The following ANXA7 variants were observed in gnomAD, a reference collection of about 807,000 sequenced individuals.
The protein encoded by ANXA7 is annexin VII.
Under a neutral mutation model 64.9 loss-of-function variants are expected in ANXA7, and 55 were observed. That is an observed-to-expected ratio of 0.85 (90% confidence interval 0.68 to 1.06). The LOEUF is 1.06. ANXA7 is among the 50% of genes least tolerant of loss of function. ANXA7 has a pLI of 0.00. For missense variants in ANXA7, 548 were observed against 582.1 expected, an observed-to-expected ratio of 0.94 and a Z score of 0.60; for synonymous variants, 200 against 192.4, an observed-to-expected ratio of 1.04 and a Z score of -0.33.
intron 9 of ANXA7, 75 bp from the exon 10 acceptor site, chr10:73,380,276 A>G: frequency 7.0e-7 from 1 of 1,426,200 alleles, no homozygotes; most frequent in Non-Finnish European, 9.6e-7. Context: ...AATCTAGTTC[A>G]CTTTTGGATT....
At chr10:73,390,526 T>G (rs1427129079) in intron 5 of ANXA7, among the ~76,000 whole-genome samples, 1 of 151,888 alleles carries the variant, frequency 6.6e-6, no homozygotes, top group African/African-American at 2.4e-5. Flanking sequence ...ATAAAAAAAT[T>G]TTATAAGCCT....
intron 12 of ANXA7, among the ~76,000 whole-genome samples, chr10:73,377,826 CGTGT>C (rs58404250): frequency 4.2e-4 from 51 of 122,576 alleles, no homozygotes; most frequent in African/African-American, 7.8e-4. Context: ...TAGGTTTCAC[CGTGT>C]GTGTGTGTGT....
Position 73,383,329 on chromosome 10 carries a change from T to A in ANXA7, c.764A>T (p.Glu255Val). 6.2e-7 allele frequency: 1 copy of A among 1,613,240 alleles called. No homozygotes were observed. Among genetic ancestry groups the A allele is most frequent in the Non-Finnish European group, 8.5e-7 (1 of 1,179,432 alleles). The change falls in exon 9 of 13, where the codon GAA becomes GTA. Residue 255 changes from glutamate (E) to valine (V), a missense_variant. Glu to Val is a moderately radical substitution (Grantham distance 121). Transcript: ENST00000372921. ...GCACAAAATCTCAATCAATACACGT[T>A]CCTGAGTTCCTGCTCCCTACATGAA... ...RKAMQGAGTQ[E>V]RVLIEILCTR...
At chr10:73,399,978 C>T (rs1345027309) in intron 2 of ANXA7, among the ~76,000 whole-genome samples, 1 of 151,902 alleles carries the variant, frequency 6.6e-6, no homozygotes, top group Non-Finnish European at 1.5e-5. Context: ...TCCGTCTCTA[C>T]TAAAAATACA....
chr10:73,377,898 C>T lies in ANXA7; in HGVS notation c.1278+1013G>A, dbSNP rs547640048. Among the ~76,000 whole-genome samples, 248 of 134,854 alleles carry T rather than the reference C, an allele frequency of 1.8e-3. 3 individuals are homozygous for T. Among genetic ancestry groups the T allele is most frequent in the African/African-American group, 7.5e-3 (233 of 31,022 alleles). The allele number at this position is 134,854 out of a possible 152,430, so 88.5% of individuals were successfully genotyped here. ...TCACCATGTTGCCCAGGCTACCACG[C>T]CCCGGCGTGTGTGTGTGTGTGTGTG... On this transcript the variant is annotated intron_variant, in intron 12 of 12. Coordinates refer to ENST00000372921, the MANE Select transcript of ANXA7 (RefSeq NM_001156.5).
At chr10:73,387,452 C>T (rs1037277295) in intron 7 of ANXA7, among the ~76,000 whole-genome samples, 5 of 152,078 alleles carry the variant, frequency 3.3e-5, no homozygotes, top group Non-Finnish European at 7.4e-5. Flanking sequence ...GAAGCAAAGA[C>T]GGCAGTGAGC....
chr10:73,378,821 T>C (rs1024599403), intron 12 of ANXA7, 90 bp downstream of exon 12: 34 of 912,340 alleles, frequency 3.7e-5, no homozygotes, highest in Non-Finnish European at 1.1e-5. Flanking sequence ...CTTATCATTT[T>C]TGAGGGACTG....
Position 73,388,294 on chromosome 10 carries a change from A to C in ANXA7, c.538+18T>G. 1 of 1,590,976 alleles carries C rather than the reference A, an allele frequency of 6.3e-7. No homozygotes were observed. The highest frequency in any genetic ancestry group is 2.2e-5 in the East Asian group (1 of 44,728). ...TTACTTTAACTTATTAAAAAAGACA[A>C]AAATTTGTTTTCCTTACCAAAACCC... is the stretch of plus-strand genomic sequence containing the variant. On this transcript the variant is annotated intron_variant, in intron 6 of 12. Transcript: ENST00000372921.
Position 73,388,486 on chromosome 10 carries a change from C to T in ANXA7, c.436-72G>A. ...TCTAATGAGGAAACTTAAAGACTTC[C>T]CCAGACATCAATCTTAAGTAAGAAG... On this transcript the variant is annotated intron_variant, in intron 5 of 12. Coordinates refer to ENST00000372921, the MANE Select transcript of ANXA7 (RefSeq NM_001156.5). 3 of 1,158,738 alleles carry T rather than the reference C, an allele frequency of 2.6e-6. No homozygotes were observed. The South Asian group carries it at 3.8e-5, about 15-fold the overall frequency. 71.8% of individuals were successfully genotyped at this position (1,158,738 alleles called of 1,614,324 possible). A position where few individuals can be genotyped will look rare whatever the true frequency, so the allele number is the denominator to read the frequency against.
chr10:73,413,212 A>C (rs1214439609), intron 1 of ANXA7, among the ~76,000 whole-genome samples: 1 of 152,210 alleles, frequency 6.6e-6, no homozygotes, highest in African/African-American at 2.4e-5. Flanking sequence ...GGCCAAAATT[A>C]TCTCTTTTAC....
chr10:73,378,054 C>A (rs904321122), intron 12 of ANXA7, among the ~76,000 whole-genome samples: 1 of 151,676 alleles, frequency 6.6e-6, no homozygotes, highest in South Asian at 2.1e-4. Flanking sequence ...AGGAGTAAGC[C>A]ACGACACCCC....
chr10:73,379,047 C>T (rs2055231752), intron 11 of ANXA7, 24 bp from the exon 12 acceptor site: 3 of 1,519,034 alleles, frequency 2.0e-6, no homozygotes, highest in Non-Finnish European at 9.1e-7. Context: ...ATGGTTGAGA[C>T]ATGGAATCAT....
chr10:73,380,253 A>T (rs575176562), intron 9 of ANXA7, 52 bp from the exon 10 acceptor site: 129 of 1,497,230 alleles, frequency 8.6e-5, no homozygotes, highest in Non-Finnish European at 1.1e-4. Flanking sequence ...GTTCTACTAA[A>T]TTTTTTTTTT....
At chr10:73,382,382 G>A (rs2055290486) in intron 9 of ANXA7, among the ~76,000 whole-genome samples, 3 of 149,994 alleles carry the variant, frequency 2.0e-5, no homozygotes, top group Admixed American at 6.6e-5. Flanking sequence ...TCACTCTATT[G>A]CCCAGGCTGG....
At position 73,378,943 on chromosome 10, in the gene ANXA7, T is replaced by C. The variant is rs2055229744; in HGVS notation, c.1246A>G (p.Thr416Ala). 4 of 1,613,474 alleles carry C rather than the reference T, an allele frequency of 2.5e-6. No individual in the cohort carries two copies. Among genetic ancestry groups the C allele is most frequent in the Non-Finnish European group, 3.4e-6 (4 of 1,179,728 alleles). The change falls in exon 12 of 13, where the codon ACC (threonine) becomes GCC (alanine). Residue 416 changes from threonine (T) to alanine (A), a missense_variant. Physicochemically the swap from Thr to Ala is moderately conservative, Grantham distance 58 (BLOSUM62 0). Coordinates refer to ENST00000372921, the MANE Select transcript of ANXA7 (RefSeq NM_001156.5). ...CGAGTGACCACAATCCGGACCAGGGTGGAGTCATCTGTGCCAGCACCTTTC... is the reference window on the plus strand; with the variant it reads ...CGAGTGACCACAATCCGGACCAGGGCGGAGTCATCTGTGCCAGCACCTTTC... The part of the protein sequence containing the change: ...AMKGAGTDDS[T>A]LVRIVVTRSE...
rs542535004 is a variant in ANXA7, at chr10:73,389,241, TA to T, written c.436-828del. ...CAAACCCAAATTAAGAAATATTTTA[TA>T]AAATAACTGACAGTGTTCTTCAAAA... On this transcript the variant is annotated intron_variant, in intron 5 of 12. Coordinates refer to ENST00000372921, the MANE Select transcript of ANXA7 (RefSeq NM_001156.5). Among the ~76,000 whole-genome samples the T allele has an allele frequency of 3.3e-5, 5 of 152,280 alleles. No homozygotes were observed. In the East Asian group the frequency reaches 9.6e-4, roughly 29 times the overall value.
At chr10:73,383,551 T>G (rs1280264918) in intron 8 of ANXA7, 26 bp downstream of exon 8, 6 of 1,528,680 alleles carry the variant, frequency 3.9e-6, no homozygotes, top group Non-Finnish European at 5.4e-6. Flanking sequence ...GACAAAATAT[T>G]CATAATAAAT....
chr10:73,408,379 G>A (rs2055790890), intron 1 of ANXA7: 1 of 151,302 alleles, frequency 6.6e-6, no homozygotes, highest in African/African-American at 2.4e-5. Flanking sequence ...AAAAGGGTCA[G>A]GGTCAAAATA....
intron 2 of ANXA7, among the ~76,000 whole-genome samples, chr10:73,399,811 A>T (rs944608298): frequency 6.7e-5 from 10 of 149,556 alleles, no homozygotes; most frequent in African/African-American, 2.5e-4. Context: ...ACAGAGCGAG[A>T]CTCCATCTCA....
Sources: allele counts gnomAD v4.1 joint callset (sites outside exome capture counted in the v4.1 genomes callset), GRCh38; gene constraint gnomAD v4.1.1; transcripts MANE v1.5; gene names NCBI Gene and HGNC (gene_info 2026-07-23, HGNC 2026-07-21).